RBFOX2: variants seen among roughly 807,000 people sequenced by gnomAD.
RBFOX2 encodes the protein RNA binding fox-1 homolog 2.
A neutral mutation model predicts 49.1 loss-of-function variants in RBFOX2; 10 were observed. The ratio of observed to expected loss-of-function variants is 0.20; its 90% CI spans 0.13 to 0.35. RBFOX2 has a LOEUF of 0.35. RBFOX2 is among the 10% of genes least tolerant of loss of function. RBFOX2 has a pLI of 1.00. For missense variants in RBFOX2, 323 were observed against 486.9 expected (o/e 0.66, Z 3.17); for synonymous variants, 183 against 187.4 (o/e 0.98, Z 0.19).
chr22:35,814,205 G>A (rs1952503050), intron 1 of RBFOX2, among the ~76,000 whole-genome samples: 2 of 152,094 alleles, frequency 1.3e-5, no homozygotes, highest in Non-Finnish European at 2.9e-5. Context: ...CATATCTGCA[G>A]GTAATTGGTT....
intron 1 of RBFOX2, chr22:35,998,999 A>T (rs1199851310): frequency 1.3e-5 from 2 of 152,524 alleles, no homozygotes; most frequent in Non-Finnish European, 2.9e-5. Flanking sequence ...AATGATTTTA[A>T]TAAGTCTAGG....
intron 9 of RBFOX2, 38 bp from the exon 12 acceptor site, chr22:35,746,599 T>TC (rs1602032063): frequency 1.5e-6 from 2 of 1,351,200 alleles, no homozygotes; most frequent in South Asian, 1.5e-5. Flanking sequence ...CAGATACCTC[T>TC]CCCCCCAGGT....
intron 1 of RBFOX2, among the ~76,000 whole-genome samples, chr22:35,900,672 C>T (rs1252085616): frequency 6.6e-6 from 1 of 151,690 alleles, no homozygotes; most frequent in African/African-American, 2.4e-5. Context: ...GGGATTCCCA[C>T]AGGGCAATCT....
chr22:35,744,420 G>A (rs1182591414), intron 11 of RBFOX2, among the ~76,000 whole-genome samples, 171 bp from the exon 14 acceptor site: 2 of 152,138 alleles, frequency 1.3e-5, no homozygotes, highest in Non-Finnish European at 2.9e-5. Context: ...TGCTTCTAAG[G>A]TGCTCAGACC....
intron 9 of RBFOX2, 63 bp downstream of exon 11, chr22:35,756,041 AC>A (rs1282780022): frequency 1.8e-5 from 22 of 1,245,166 alleles, no homozygotes; most frequent in Non-Finnish European, 2.2e-5. Context: ...AACCAAAGAA[AC>A]AGAAAAAAAA....
exon 12 of RBFOX2, chr22:35,741,257 GAGTACAGAAAGTCCAGGTCATGAACTAT>G (rs1929809487): frequency 6.6e-6 from 1 of 152,240 alleles, no homozygotes; most frequent in Non-Finnish European, 1.5e-5. Context: ...CAGCTTCCAA[GAGTACAGAAAGTCCAGGTCATGAACTAT>G]AGTAAAGCTG....
intron 1 of RBFOX2, chr22:35,821,693 C>A: frequency 1.9e-6 from 1 of 513,320 alleles, no homozygotes; most frequent in Non-Finnish European, 3.9e-6. Flanking sequence ...TTTAATAGTT[C>A]CCTAAAAGGC....
At chr22:35,823,134 G>A (rs1452217498) in intron 1 of RBFOX2, among the ~76,000 whole-genome samples, 2 of 152,052 alleles carry the variant, frequency 1.3e-5, no homozygotes, top group Non-Finnish European at 2.9e-5. Flanking sequence ...TTTTTCCTTT[G>A]TTAATGCTAG....
At chr22:35,738,910 C>A (rs1054480843) in exon 12 of RBFOX2, 1 of 152,622 alleles carries the variant, frequency 6.6e-6, no homozygotes, top group Non-Finnish European at 1.5e-5. Context: ...ACTACTCCGA[C>A]CTTCACAATT....
intron 1 of RBFOX2, among the ~76,000 whole-genome samples, chr22:35,980,100 C>T (rs565410466): frequency 6.6e-6 from 1 of 152,176 alleles, no homozygotes; most frequent in Admixed American, 6.5e-5. Context: ...TACTCCACCA[C>T]AAATTCATTA....
chr22:35,919,958 T>C (rs2050847869), intron 1 of RBFOX2, among the ~76,000 whole-genome samples: 1 of 152,210 alleles, frequency 6.6e-6, no homozygotes, highest in Non-Finnish European at 1.5e-5. Context: ...TAGTGGACTT[T>C]AGTGTCCTTT....
At chr22:35,871,150 T>C (rs1018143510) in intron 1 of RBFOX2, among the ~76,000 whole-genome samples, 6 of 152,234 alleles carry the variant, frequency 3.9e-5, no homozygotes, top group Non-Finnish European at 8.8e-5. Flanking sequence ...TTTATGCTAA[T>C]TACCTGGGGA....
intron 1 of RBFOX2, among the ~76,000 whole-genome samples, chr22:35,970,578 T>A (rs1194432983): frequency 2.6e-5 from 4 of 152,006 alleles, no homozygotes; most frequent in Non-Finnish European, 4.4e-5. Context: ...GGAGGATTGC[T>A]TGAGCCCAGG....
At chr22:35,806,386 T>C (rs1950739395) in intron 2 of RBFOX2, among the ~76,000 whole-genome samples, 1 of 152,144 alleles carries the variant, frequency 6.6e-6, no homozygotes, top group Non-Finnish European at 1.5e-5. Flanking sequence ...AGGTATAATA[T>C]GTATGACAAT....
At chr22:35,765,368 A>C in intron 6 of RBFOX2, 55 bp downstream of exon 7, 1 of 1,284,226 alleles carries the variant, frequency 7.8e-7, no homozygotes, top group Non-Finnish European at 1.1e-6. Flanking sequence ...AGTTTATAAA[A>C]ACTTCATATA....
At chr22:35,923,415 C>T (rs1008421469) in intron 1 of RBFOX2, among the ~76,000 whole-genome samples, 1 of 151,952 alleles carries the variant, frequency 6.6e-6, no homozygotes, top group Non-Finnish European at 1.5e-5. Context: ...CTTTTGTCGC[C>T]CAGGCTGGAG....
intron 4 of RBFOX2, among the ~76,000 whole-genome samples, chr22:35,772,393 ATAT>A (rs991271707): frequency 2.0e-5 from 3 of 152,174 alleles, no homozygotes; most frequent in East Asian, 1.9e-4. Flanking sequence ...ATATAAACAC[ATAT>A]TATTAACATT....
intron 3 of RBFOX2, among the ~76,000 whole-genome samples, chr22:35,780,617 C>A (rs973307532): frequency 1.3e-5 from 2 of 152,158 alleles, no homozygotes; most frequent in Non-Finnish European, 2.9e-5. Flanking sequence ...TTGGTCTTGA[C>A]ACTGTGCAGT....
At chr22:35,836,501 A>T (rs1957700748) in intron 1 of RBFOX2, 1 of 152,332 alleles carries the variant, frequency 6.6e-6, no homozygotes, top group Non-Finnish European at 1.5e-5. Context: ...AATACACTCC[A>T]GAGCGGCCTG....
Sources: allele counts gnomAD v4.1 joint callset (sites outside exome capture counted in the v4.1 genomes callset), GRCh38; gene constraint gnomAD v4.1.1; transcripts MANE v1.5; gene names NCBI Gene and HGNC (gene_info 2026-07-23, HGNC 2026-07-21).